GSG1L2: variants seen among roughly 807,000 people sequenced by gnomAD.
The protein encoded by GSG1L2 is GSG1 like 2, also known as germ cell-specific gene 1-like protein 2.
GSG1L2 carries 15 observed loss-of-function variants against 9.0 expected under a neutral mutation model. The ratio of observed to expected loss-of-function variants is 1.67; its 90% CI spans 1.12 to 2.57. GSG1L2 has a LOEUF of 2.57. Ranked by LOEUF, GSG1L2 falls within the 30% of genes most tolerant of loss-of-function variation. The pLI, the probability that GSG1L2 is intolerant of heterozygous loss-of-function variation, is 0.00. For synonymous variants in GSG1L2, 127 were observed against 57.9 expected, an observed-to-expected ratio of 2.19 and a Z score of -5.41; for missense variants, 286 against 150.3, an observed-to-expected ratio of 1.90 and a Z score of -4.72.
intron 4 of GSG1L2, 170 bp downstream of exon 4, chr17:9,807,320 T>A (rs1163152383): frequency 1.7e-6 from 1 of 589,990 alleles, no homozygotes; most frequent in Non-Finnish European, 3.0e-6. Context: ...TATCCTCACT[T>A]TATCGATGAG....
chr17:9,813,445 A>G (rs2066546968), intron 1 of GSG1L2, among the ~76,000 whole-genome samples: 1 of 152,242 alleles, frequency 6.6e-6, no homozygotes, highest in Non-Finnish European at 1.5e-5. Context: ...CAACAGGATC[A>G]GGGACCTGTC....
At position 9,800,830 on chromosome 17, in the gene GSG1L2, T is replaced by C. The variant is rs376969276; in HGVS notation, c.*1556A>G. On this transcript the variant is annotated 3_prime_UTR_variant, in exon 5 of 5. Transcript: ENST00000399363. The stretch of plus-strand genomic sequence containing the variant: ...CTGCACACTGCAAAGGGCAGAGGCT[T>C]GTGGGTACAAACTCTCCTGCTCTAG... Among the ~76,000 whole-genome samples, 11 of 152,206 alleles carry C rather than the reference T, an allele frequency of 7.2e-5. No individual in the cohort carries two copies. The highest frequency in any genetic ancestry group is 1.9e-4 in the African/African-American group (8 of 41,446).
intron 1 of GSG1L2, among the ~76,000 whole-genome samples, chr17:9,816,502 G>T (rs2066561929): frequency 6.8e-6 from 1 of 147,090 alleles, no homozygotes; most frequent in Non-Finnish European, 1.5e-5. Context: ...GTCTGTGTGT[G>T]CCTGTCTGTG....
At chr17:9,808,593 T>C (rs967895568) in intron 3 of GSG1L2, among the ~76,000 whole-genome samples, 3 of 152,182 alleles carry the variant, frequency 2.0e-5, no homozygotes, top group African/African-American at 7.2e-5. Context: ...TCCCTGGTTG[T>C]GACAAACGGA....
chr17:9,811,882 G>A (rs1266208998), intron 1 of GSG1L2, among the ~76,000 whole-genome samples: 1 of 152,156 alleles, frequency 6.6e-6, no homozygotes, highest in Non-Finnish European at 1.5e-5. Flanking sequence ...TGAGACAAGG[G>A]AGCCGCCCCC....
chr17:9,818,801 T>C (rs2066578089), intron 1 of GSG1L2, among the ~76,000 whole-genome samples: 1 of 152,206 alleles, frequency 6.6e-6, no homozygotes, highest in African/African-American at 2.4e-5. Context: ...TGACTTTTTA[T>C]CCAAACTCTA....
chr17:9,802,681 G>A (rs1026497634), intron 4 of GSG1L2, 37 bp from the exon 5 acceptor site: 1 of 694,378 alleles, frequency 1.4e-6, no homozygotes, highest in African/African-American at 1.8e-5. Context: ...AGGGCTGAGG[G>A]CTGTGATTCC....
chr17:9,809,018 T>A (rs1306304691), intron 2 of GSG1L2, 36 bp from the exon 3 acceptor site: 1 of 698,170 alleles, frequency 1.4e-6, no homozygotes, highest in Non-Finnish European at 2.6e-6. Context: ...CGCTGGACAC[T>A]TCTAATTCAG....
intron 1 of GSG1L2, among the ~76,000 whole-genome samples, chr17:9,811,564 C>T (rs1250318381): frequency 6.6e-6 from 1 of 152,134 alleles, no homozygotes; most frequent in African/African-American, 2.4e-5. Context: ...GGATTGAGAC[C>T]ATGGCAAGTC....
chr17:9,816,910 C>CTGTGTGTGTGTATCTGTG (rs2066569301), intron 1 of GSG1L2, among the ~76,000 whole-genome samples: 24 of 94,444 alleles, frequency 2.5e-4, no homozygotes, highest in African/African-American at 9.5e-4. Context: ...GTGTGTGTAT[C>CTGTGTGTGTGTATCTGTG]TGTGTGTGTG....
intron 1 of GSG1L2, 85 bp from the exon 2 acceptor site, chr17:9,810,703 A>T (rs913128622): frequency 4.3e-6 from 3 of 697,604 alleles, no homozygotes; most frequent in Admixed American, 4.0e-5. Context: ...CCTTAACTGG[A>T]TGAGGAATGG....
chr17:9,816,851 T>G (rs2066567901), intron 1 of GSG1L2, among the ~76,000 whole-genome samples: 1 of 106,018 alleles, frequency 9.4e-6, no homozygotes, highest in Non-Finnish European at 1.9e-5. Context: ...TGTGTTTCTG[T>G]GTATCTGTAT....
chr17:9,802,233 G>A lies in GSG1L2; in HGVS notation c.*153C>T, dbSNP rs1468036380. On this transcript the variant is annotated 3_prime_UTR_variant, in exon 5 of 5. Coordinates refer to ENST00000399363, the MANE Select transcript of GSG1L2 (RefSeq NM_001310219.2). ...ACAGGAATCAAAGGCTAAAGCCAAAGGTGTTTAGTAAAAGGTGAGATGTGG... is the reference window on the plus strand; with the variant it reads ...ACAGGAATCAAAGGCTAAAGCCAAAAGTGTTTAGTAAAAGGTGAGATGTGG... Among the ~76,000 whole-genome samples, 2 of 152,206 alleles carry A rather than the reference G, an allele frequency of 1.3e-5. No homozygotes were observed. The highest frequency in any genetic ancestry group is 4.8e-5 in the African/African-American group (2 of 41,450).
intron 2 of GSG1L2, 84 bp downstream of exon 2, chr17:9,810,487 C>G: frequency 1.5e-6 from 1 of 683,248 alleles, no homozygotes. Context: ...ACTCCCTCAT[C>G]ATTTCCCCTA....
chr17:9,806,525 A>G (rs1424230621), intron 4 of GSG1L2, among the ~76,000 whole-genome samples: 1 of 152,260 alleles, frequency 6.6e-6, no homozygotes, highest in Non-Finnish European at 1.5e-5. Context: ...AAACAAAAAC[A>G]AAACAAAATG....
chr17:9,814,066 C>T (rs2066550087), intron 1 of GSG1L2, among the ~76,000 whole-genome samples: 1 of 151,730 alleles, frequency 6.6e-6, no homozygotes, highest in Non-Finnish European at 1.5e-5. Context: ...TCCCAAGTAG[C>T]TGGGATTACA....
intron 1 of GSG1L2, among the ~76,000 whole-genome samples, chr17:9,817,577 A>G (rs899267066): frequency 3.3e-5 from 5 of 151,824 alleles, no homozygotes; most frequent in Admixed American, 1.3e-4. Context: ...GGCACCCACC[A>G]CCACACCCGG....
At chr17:9,810,673 C>T (rs1018810800) in intron 1 of GSG1L2, 55 bp from the exon 2 acceptor site, 3 of 702,054 alleles carry the variant, frequency 4.3e-6, no homozygotes, top group Non-Finnish European at 7.8e-6. Context: ...AACCAGGGGG[C>T]AAATGGTGAA....
At chr17:9,816,504 C>CTGTCTGTGTGTGCG (rs1404217291) in intron 1 of GSG1L2, among the ~76,000 whole-genome samples, 1 of 56,536 alleles carries the variant, frequency 1.8e-5, no homozygotes, top group Non-Finnish European at 3.2e-5. Flanking sequence ...CTGTGTGTGC[C>CTGTCTGTGTGTGCG]TGTCTGTGTG....
Sources: gnomAD v4.1 joint callset for allele counts (sites outside exome capture counted in the v4.1 genomes callset) on GRCh38, gnomAD v4.1.1 for gene constraint, MANE v1.5 for transcripts, NCBI Gene and HGNC (gene_info 2026-07-23, HGNC 2026-07-21) for gene names.